CA5A: variants seen among roughly 807,000 people sequenced by gnomAD.
CA5A encodes carbonic anhydrase 5A.
CA5A carries 28 observed loss-of-function variants against 37.1 expected under a neutral mutation model. That is an observed-to-expected ratio of 0.75 (90% CI 0.56 to 1.03). The LOEUF (loss-of-function observed/expected upper bound fraction) is 1.03, where lower values mean the gene tolerates loss of function less well. Ranked by LOEUF, CA5A falls within the 50% of genes least tolerant of loss-of-function variation. The probability of loss-of-function intolerance (pLI) is 0.00; values close to 1 mark genes in which losing one functional copy is unlikely to be tolerated. For missense variants in CA5A, 444 were observed against 399.9 expected (o/e 1.11, Z -0.94); for synonymous variants, 171 against 158.4 (o/e 1.08, Z -0.60).
intron 3 of CA5A, among the ~76,000 whole-genome samples, chr16:87,902,763 T>A (rs1057131716): frequency 2.0e-5 from 3 of 150,366 alleles, no homozygotes; most frequent in African/African-American, 4.9e-5. Flanking sequence ...AAAAAAAAAA[T>A]TAGCTGGGCG....
chr16:87,908,825 C>T (rs533337257), intron 2 of CA5A, among the ~76,000 whole-genome samples: 2 of 151,976 alleles, frequency 1.3e-5, no homozygotes, highest in African/African-American at 2.4e-5. Context: ...TCTGCTTTTT[C>T]TTCTTTTTGA....
chr16:87,885,948 G>T (rs950101206), downstream of CA5A: 4 of 152,044 alleles, frequency 2.6e-5, no homozygotes, highest in South Asian at 2.1e-4. Flanking sequence ...AACAGTCTAG[G>T]CTCCGTCCCC....
intron 5 of CA5A, chr16:87,893,373 C>G (rs1474980399): frequency 4.6e-6 from 2 of 433,600 alleles, no homozygotes; most frequent in African/African-American, 4.0e-5. Flanking sequence ...GTGATCTGCC[C>G]ACCTCGGCCT....
At chr16:87,924,340 C>T (rs949375214) in intron 2 of CA5A, 2 of 981,130 alleles carry the variant, frequency 2.0e-6, no homozygotes, top group South Asian at 9.4e-5. Flanking sequence ...TTCTCACCTT[C>T]GAAAGGAGAG....
chr16:87,935,295 C>T (rs967873394), intron 1 of CA5A, among the ~76,000 whole-genome samples: 6 of 152,246 alleles, frequency 3.9e-5, no homozygotes, highest in African/African-American at 1.4e-4. Context: ...CGTTCAAGGT[C>T]ACAAGGCACT....
At chr16:87,936,063 T>G (rs1045349965) in intron 1 of CA5A, among the ~76,000 whole-genome samples, 1 of 150,870 alleles carries the variant, frequency 6.6e-6, no homozygotes, top group African/African-American at 2.4e-5. Flanking sequence ...TCCCAGCTAC[T>G]CAGGAAGCTG....
intron 1 of CA5A, among the ~76,000 whole-genome samples, chr16:87,933,201 G>C (rs547431154): frequency 6.6e-6 from 1 of 152,216 alleles, no homozygotes; most frequent in African/African-American, 2.4e-5. Flanking sequence ...TTAATAAGCC[G>C]TTCTCCCAGG....
At chr16:87,920,127 A>G (rs1359761570) in intron 2 of CA5A, among the ~76,000 whole-genome samples, 1 of 152,200 alleles carries the variant, frequency 6.6e-6, no homozygotes, top group East Asian at 1.9e-4. Context: ...GCTGAGCTGC[A>G]GTCTGCACAG....
chr16:87,899,802 T>C (rs1185727360), intron 5 of CA5A, among the ~76,000 whole-genome samples: 4 of 150,394 alleles, frequency 2.7e-5, no homozygotes, highest in Non-Finnish European at 5.9e-5. Flanking sequence ...CGCCGGTACT[T>C]CCAGCTACTC....
intron 5 of CA5A, chr16:87,893,543 C>A (rs2055755904): frequency 1.5e-5 from 9 of 584,446 alleles, no homozygotes; most frequent in South Asian, 1.3e-4. Context: ...CGTCCAGGGA[C>A]TGGCAGGCCT....
At chr16:87,895,200 T>A (rs1348128133) in intron 5 of CA5A, among the ~76,000 whole-genome samples, 1 of 151,890 alleles carries the variant, frequency 6.6e-6, no homozygotes, top group Non-Finnish European at 1.5e-5. Flanking sequence ...CAGTGAGCTG[T>A]GATCATACCA....
intron 6 of CA5A, among the ~76,000 whole-genome samples, chr16:87,890,470 G>C (rs1375485064): frequency 6.6e-6 from 1 of 152,202 alleles, no homozygotes; most frequent in Non-Finnish European, 1.5e-5. Context: ...GAGATGCTAA[G>C]TCGCGCTGCG....
intron 2 of CA5A, chr16:87,923,854 G>A: frequency 3.4e-5 from 33 of 984,326 alleles, no homozygotes; most frequent in Non-Finnish European, 4.0e-5. Flanking sequence ...GACAACTATT[G>A]TTCTCAAAAT....
intron 2 of CA5A, 78 bp downstream of exon 2, chr16:87,926,670 C>A (rs547843428): frequency 1.7e-6 from 2 of 1,154,010 alleles, no homozygotes; most frequent in Non-Finnish European, 1.3e-6. Context: ...CTCTCCTCCC[C>A]CTTCTCCGCG....
At chr16:87,917,061 C>G (rs906431552) in intron 2 of CA5A, among the ~76,000 whole-genome samples, 1 of 149,542 alleles carries the variant, frequency 6.7e-6, no homozygotes, top group Non-Finnish European at 1.5e-5. Context: ...GCCAAGACAG[C>G]TCCACTGCAC....
chr16:87,896,855 G>A (rs963378006), intron 5 of CA5A, among the ~76,000 whole-genome samples: 18 of 152,180 alleles, frequency 1.2e-4, no homozygotes, highest in African/African-American at 3.9e-4. Context: ...GGTCAGGCTC[G>A]TCTCAAACTC....
At chr16:87,913,376 C>T (rs1319315730) in intron 2 of CA5A, among the ~76,000 whole-genome samples, 2 of 147,986 alleles carry the variant, frequency 1.4e-5, no homozygotes, top group Non-Finnish European at 2.9e-5. Context: ...GATCATGCCT[C>T]ACTGCAGCCT....
chr16:87,895,002 C>A (rs528188733), intron 5 of CA5A, among the ~76,000 whole-genome samples: 1 of 152,326 alleles, frequency 6.6e-6, no homozygotes, highest in East Asian at 1.9e-4. Flanking sequence ...GTAATCCCAG[C>A]ACTTTGGGAG....
chr16:87,935,742 G>A (rs1490403537), intron 1 of CA5A, among the ~76,000 whole-genome samples: 2 of 152,076 alleles, frequency 1.3e-5, no homozygotes, highest in Non-Finnish European at 2.9e-5. Flanking sequence ...TGGGTGCAGT[G>A]GCGGGTGCCT....
Sources: allele counts gnomAD v4.1 joint callset (sites outside exome capture counted in the v4.1 genomes callset), GRCh38; gene constraint gnomAD v4.1.1; transcripts MANE v1.5; gene names NCBI Gene and HGNC (gene_info 2026-07-23, HGNC 2026-07-21).